The following ACSS3 variants were observed in gnomAD, a reference collection of about 807,000 sequenced individuals.
ACSS3 encodes the protein acyl-CoA synthetase short-chain family member 3, mitochondrial.
A neutral mutation model predicts 84.2 loss-of-function variants in ACSS3; 64 were observed. The observed-to-expected ratio is 0.76, with a 90% confidence interval of 0.62 to 0.94. The LOEUF (loss-of-function observed/expected upper bound fraction) is 0.94. Ranked by LOEUF, ACSS3 falls within the 40% of genes least tolerant of loss-of-function variation. The pLI is 0.00. For synonymous variants in ACSS3, 317 were observed against 310.1 expected, an observed-to-expected ratio of 1.02 and a Z score of -0.23; for missense variants, 815 against 867.6, an observed-to-expected ratio of 0.94 and a Z score of 0.76.
At position 81,257,623 on chromosome 12, in the gene ACSS3, A is replaced by ATAT. The variant is rs1441477906; in HGVS notation, c.*2704_*2706dup. ...ATTGAATTACTTTGCTTGTGAAAAT[A>ATAT]TATTAAACATATTTAAATGAGACCT... is the stretch of plus-strand genomic sequence containing the variant. On this transcript the variant is annotated 3_prime_UTR_variant, in exon 16 of 16. Coordinates refer to ENST00000548058, the MANE Select transcript of ACSS3 (RefSeq NM_024560.4). The ATAT allele has an allele frequency of 6.6e-6, 1 of 152,134 alleles. No homozygotes were observed. 9.4% of individuals were successfully genotyped at this position (152,134 alleles called of 1,614,324 possible).
intron 2 of ACSS3, among the ~76,000 whole-genome samples, chr12:81,122,019 C>T (rs1884658106): frequency 6.6e-6 from 1 of 151,684 alleles, no homozygotes; most frequent in Non-Finnish European, 1.5e-5. Flanking sequence ...CTGCAGCCTC[C>T]ACCTCCCGGT....
chr12:81,216,965 G>T lies in ACSS3; in HGVS notation c.1419G>T (p.Gly473=), dbSNP rs779941704. The change falls in exon 10 of 16, where the codon GGG becomes GGT. Residue 473 remains glycine (G), a synonymous_variant. Transcript: ENST00000548058. ...GLGNSKTPPP[G]QAGKSVPGYN... is the part of the protein sequence containing the mutation. ...GCAATTCTAAAACACCTCCACCAGG[G>T]CAAGCAGGAAAAAGCGTCCCAGGAT... is the stretch of plus-strand genomic sequence containing the variant. 2 of 1,611,042 alleles carry T rather than the reference G, an allele frequency of 1.2e-6. No homozygotes were observed. Among genetic ancestry groups the T allele is most frequent in the African/African-American group, 2.7e-5 (2 of 74,760 alleles).
intron 8 of ACSS3, 137 bp downstream of exon 8, chr12:81,175,076 G>A: frequency 2.2e-6 from 2 of 901,754 alleles, no homozygotes; most frequent in Non-Finnish European, 3.0e-6. Context: ...AGAACAACTT[G>A]TCTAAATATA....
chr12:81,249,774 CT>C (rs1817132619), intron 13 of ACSS3, among the ~76,000 whole-genome samples: 1 of 152,038 alleles, frequency 6.6e-6, no homozygotes, highest in South Asian at 2.1e-4. Flanking sequence ...AAAAATCTGT[CT>C]TCTTCGAACC....
intron 13 of ACSS3, among the ~76,000 whole-genome samples, chr12:81,251,665 C>A (rs2034155050): frequency 3.9e-5 from 1 of 25,784 alleles, no homozygotes; most frequent in Non-Finnish European, 1.3e-4. Context: ...AACCCCATCT[C>A]TACAAAAAAA....
rs1241816321 is a variant in ACSS3, at chr12:81,258,498, C to T, written c.*3576C>T. On this transcript the variant is annotated 3_prime_UTR_variant, in exon 16 of 16. Coordinates refer to ENST00000548058, the MANE Select transcript of ACSS3 (RefSeq NM_024560.4). ...TTATTAAATAGGCTTTACTTTGAAT[C>T]TCCCATATAAACAAAGAATAAACAA... 6.6e-6 allele frequency: 1 copy of T among 152,100 alleles called. No individual in the cohort carries two copies. The highest frequency in any genetic ancestry group is 2.4e-5 in the African/African-American group (1 of 41,422). 9.4% of individuals were successfully genotyped at this position (152,100 alleles called of 1,614,324 possible).
intron 11 of ACSS3, among the ~76,000 whole-genome samples, chr12:81,224,263 A>G (rs963819575): frequency 6.6e-6 from 1 of 151,856 alleles, no homozygotes; most frequent in Non-Finnish European, 1.5e-5. Context: ...AATCCAATGC[A>G]CTTTTACATT....
chr12:81,151,610 T>A (rs1486270237), intron 5 of ACSS3: 7 of 387,686 alleles, frequency 1.8e-5, no homozygotes. Flanking sequence ...AGACTAATAA[T>A]GTTATGTGAG....
chr12:81,101,745 A>T (rs1882526382), intron 1 of ACSS3, among the ~76,000 whole-genome samples: 1 of 151,980 alleles, frequency 6.6e-6, no homozygotes, highest in Non-Finnish European at 1.5e-5. Context: ...CACTATAACT[A>T]TGTATGATTT....
chr12:81,249,852 G>A (rs1223073320), intron 13 of ACSS3, among the ~76,000 whole-genome samples: 1 of 152,030 alleles, frequency 6.6e-6, no homozygotes, highest in Non-Finnish European at 1.5e-5. Context: ...GATTTGAACT[G>A]ATTTTTTAAA....
intron 8 of ACSS3, among the ~76,000 whole-genome samples, chr12:81,191,769 G>A (rs2031579862): frequency 1.3e-5 from 2 of 151,650 alleles, no homozygotes; most frequent in South Asian, 2.1e-4. Context: ...TATTTCACAG[G>A]CTCTGTTTGA....
intron 2 of ACSS3, among the ~76,000 whole-genome samples, chr12:81,127,612 G>T (rs993970195): frequency 1.1e-4 from 17 of 152,080 alleles, no homozygotes; most frequent in Non-Finnish European, 2.9e-5. Flanking sequence ...ATTATAATTG[G>T]TTTTTAAATT....
chr12:81,218,166 C>T (rs1444892915), intron 10 of ACSS3, among the ~76,000 whole-genome samples: 2 of 152,078 alleles, frequency 1.3e-5, no homozygotes, highest in Non-Finnish European at 2.9e-5. Flanking sequence ...AGTAGAAAGG[C>T]AGAATATGTC....
chr12:81,235,478 A>G (rs2033603124), intron 13 of ACSS3, among the ~76,000 whole-genome samples: 1 of 151,294 alleles, frequency 6.6e-6, no homozygotes, highest in African/African-American at 2.4e-5. Context: ...TCCTTTAGGT[A>G]TTCCACATAC....
At chr12:81,130,714 C>A (rs1042747040) in intron 2 of ACSS3, among the ~76,000 whole-genome samples, 1 of 152,140 alleles carries the variant, frequency 6.6e-6, no homozygotes, top group Non-Finnish European at 1.5e-5. Context: ...TGCCTATGTC[C>A]TGAATGCTAT....
chr12:81,200,306 A>C (rs1053996316), intron 9 of ACSS3, among the ~76,000 whole-genome samples: 1 of 152,154 alleles, frequency 6.6e-6, no homozygotes, highest in Non-Finnish European at 1.5e-5. Context: ...TACAACCTTT[A>C]TATGTACATA....
intron 13 of ACSS3, among the ~76,000 whole-genome samples, chr12:81,241,517 T>C (rs1194501513): frequency 7.2e-5 from 11 of 152,292 alleles, no homozygotes; most frequent in Admixed American, 7.2e-4. Context: ...GACTTTTTAG[T>C]GATCGCCATT....
At position 81,161,667 on chromosome 12, in the gene ACSS3, G is replaced by A. The variant is rs1325194490; in HGVS notation, c.1098+9571G>A. 2.0e-5 allele frequency among the ~76,000 whole-genome samples: 3 copies of A among 152,208 alleles called. No homozygotes were observed. In the East Asian group the frequency reaches 5.8e-4, roughly 29 times the overall value. ...GCCAGAAGCCTCTGCAGCTGGTGATGCTTTGTCTTGAGTTTTACTTGAGCC... is the reference window on the plus strand; with the variant it reads ...GCCAGAAGCCTCTGCAGCTGGTGATACTTTGTCTTGAGTTTTACTTGAGCC... On this transcript the variant is annotated intron_variant, in intron 7 of 15. Coordinates refer to ENST00000548058, the MANE Select transcript of ACSS3 (RefSeq NM_024560.4).
intron 9 of ACSS3, among the ~76,000 whole-genome samples, chr12:81,200,069 C>A (rs574594533): frequency 6.6e-6 from 1 of 152,180 alleles, no homozygotes; most frequent in African/African-American, 2.4e-5. Flanking sequence ...TATAGTCCTC[C>A]CTCTAAGTGT....
Sources: allele counts gnomAD v4.1 joint callset (sites outside exome capture counted in the v4.1 genomes callset), GRCh38; gene constraint gnomAD v4.1.1; transcripts MANE v1.5; gene names NCBI Gene and HGNC (gene_info 2026-07-23, HGNC 2026-07-21).